ATP9B: variants seen among roughly 807,000 people sequenced by gnomAD.
ATP9B encodes ATPase phospholipid transporting 9B.
Under a neutral mutation model 146.1 loss-of-function variants are expected in ATP9B, and 110 were observed. The ratio of observed to expected loss-of-function variants is 0.75; its 90% CI spans 0.65 to 0.88. The LOEUF is 0.88. Ranked by LOEUF, ATP9B falls within the 40% of genes least tolerant of loss-of-function variation. ATP9B has a pLI of 0.00. For synonymous variants in ATP9B, 604 were observed against 569.7 expected, an observed-to-expected ratio of 1.06 and a Z score of -0.86; for missense variants, 1,499 against 1,496.4, an observed-to-expected ratio of 1.00 and a Z score of -0.03.
chr18:79,366,279 C>T (rs28372989), intron 26 of ATP9B, among the ~76,000 whole-genome samples: 39,279 of 152,032 alleles, frequency 0.26, 5,858 homozygotes, highest in African/African-American at 0.42. Flanking sequence ...TCTCTCAGAG[C>T]CCGCTGGACG....
chr18:79,256,282 T>TACACAC (rs1315400505), intron 12 of ATP9B, among the ~76,000 whole-genome samples: 13 of 129,276 alleles, frequency 1.0e-4, no homozygotes, highest in Admixed American at 8.4e-4. Context: ...TATATATATA[T>TACACAC]ATATACATAC....
intron 11 of ATP9B, among the ~76,000 whole-genome samples, chr18:79,238,465 C>T (rs1246791666): frequency 6.6e-6 from 1 of 152,158 alleles, no homozygotes; most frequent in Non-Finnish European, 1.5e-5. Flanking sequence ...CTGTTCCGGC[C>T]GGGCTGTAGC....
intron 1 of ATP9B, among the ~76,000 whole-genome samples, chr18:79,082,297 A>G (rs2073350313): frequency 6.6e-6 from 1 of 152,244 alleles, no homozygotes; most frequent in Non-Finnish European, 1.5e-5. Context: ...CTAGTTAACA[A>G]TTCCTCTAAC....
intron 13 of ATP9B, among the ~76,000 whole-genome samples, chr18:79,285,732 A>T (rs1253663289): frequency 6.6e-6 from 1 of 152,206 alleles, no homozygotes; most frequent in Non-Finnish European, 1.5e-5. Flanking sequence ...GTTCTCTTCT[A>T]GAGTTTTTAT....
chr18:79,105,798 A>C (rs537319092), intron 2 of ATP9B, among the ~76,000 whole-genome samples: 1 of 152,184 alleles, frequency 6.6e-6, no homozygotes, highest in African/African-American at 2.4e-5. Flanking sequence ...TCCTAGTTCT[A>C]ATGTCCTCAA....
intron 11 of ATP9B, among the ~76,000 whole-genome samples, chr18:79,243,106 A>G (rs763024631): frequency 2.6e-5 from 4 of 152,314 alleles, no homozygotes; most frequent in Non-Finnish European, 5.9e-5. Context: ...TATGTCTGCA[A>G]TTCTGCTATT....
chr18:79,236,812 G>A (rs1192267187), intron 11 of ATP9B, among the ~76,000 whole-genome samples: 4 of 141,338 alleles, frequency 2.8e-5, no homozygotes, highest in Admixed American at 7.1e-5. Flanking sequence ...TACACGGTCC[G>A]TGCACGAGTC....
chr18:79,191,950 T>A (rs1316171491), intron 8 of ATP9B, among the ~76,000 whole-genome samples: 1 of 152,146 alleles, frequency 6.6e-6, no homozygotes, highest in Non-Finnish European at 1.5e-5. Context: ...AGAGTACTGG[T>A]TTTTTGTTTG....
chr18:79,301,629 A>G (rs1233313398), intron 13 of ATP9B, among the ~76,000 whole-genome samples: 1 of 152,210 alleles, frequency 6.6e-6, no homozygotes, highest in African/African-American at 2.4e-5. Flanking sequence ...ATGACAAAAC[A>G]AAAAGGTTTA....
chr18:79,249,975 A>G (rs1427590744), intron 11 of ATP9B, among the ~76,000 whole-genome samples: 2 of 152,228 alleles, frequency 1.3e-5, no homozygotes, highest in Non-Finnish European at 1.5e-5. Context: ...TTGAAAAGTT[A>G]TATTTTATTC....
At chr18:79,211,904 A>ATT (rs2095587395) in intron 10 of ATP9B, among the ~76,000 whole-genome samples, 1 of 152,172 alleles carries the variant, frequency 6.6e-6, no homozygotes, top group African/African-American at 2.4e-5. Context: ...AAGTTTTGGA[A>ATT]TTCTTCTGTT....
intron 7 of ATP9B, among the ~76,000 whole-genome samples, chr18:79,175,815 G>T (rs1030621334): frequency 4.6e-5 from 7 of 151,788 alleles, no homozygotes; most frequent in Non-Finnish European, 1.0e-4. Flanking sequence ...ACACAAGTTA[G>T]CCATGCACGC....
At position 79,325,689 on chromosome 18, in the gene ATP9B, C is replaced by T. The variant is rs972502081; in HGVS notation, c.1774-3452C>T. Among the ~76,000 whole-genome samples, 3 of 152,188 alleles carry T rather than the reference C, an allele frequency of 2.0e-5. No homozygotes were observed. In the South Asian group the frequency reaches 6.2e-4, roughly 32 times the overall value. ...TCAGTGGCAGTGGCACCTGGGCAGC[C>T]CTGAAAAGGAGGGACAGGTGCCTGT... On this transcript the variant is annotated intron_variant, in intron 15 of 29. Coordinates refer to ENST00000426216, the MANE Select transcript of ATP9B (RefSeq NM_198531.5).
intron 26 of ATP9B, among the ~76,000 whole-genome samples, chr18:79,371,053 A>G (rs959600028): frequency 3.3e-5 from 5 of 152,208 alleles, no homozygotes; most frequent in Admixed American, 3.3e-4. Context: ...AAATGGTTTA[A>G]CTTCAAAGTT....
Position 79,336,812 on chromosome 18 carries a change from A to G in ATP9B, c.2112+101A>G, listed in dbSNP as rs1382290209. The G allele has an allele frequency of 5.5e-6, 7 of 1,262,196 alleles. No homozygotes were observed. The East Asian group carries it at 1.0e-4, about 18-fold the overall frequency. The allele number at this position is 1,262,196 out of a possible 1,614,324, so 78.2% of individuals were successfully genotyped here. ...GTATGAAATTAGAGCTGGGATCGCT[A>G]TAGTCTAGGAGTGAAGGCAGCTTCG... On this transcript the variant is annotated intron_variant, in intron 18 of 29. Coordinates refer to ENST00000426216, the MANE Select transcript of ATP9B (RefSeq NM_198531.5).
intron 1 of ATP9B, chr18:79,087,409 G>A (rs1255098928): frequency 1.3e-5 from 2 of 152,220 alleles, no homozygotes. Context: ...AGTTTATGCA[G>A]CTTGCTGCTT....
rs73971531 is a variant in ATP9B, at chr18:79,218,791, T to C, written c.1107+4753T>C. ...TGATTCTTAAGGCTTTGCGAGCGAG[T>C]GATATGGGTCACATTTCATTGGCCA... On this transcript the variant is annotated intron_variant, in intron 11 of 29. Transcript: ENST00000426216. 7.2e-3 allele frequency among the ~76,000 whole-genome samples: 1,101 copies of C among 152,086 alleles called. 14 individuals are homozygous for C. The highest frequency in any genetic ancestry group is 0.017 in the African/African-American group (720 of 41,448).
intron 8 of ATP9B, among the ~76,000 whole-genome samples, chr18:79,189,902 C>T (rs1002999570): frequency 1.3e-5 from 2 of 152,306 alleles, no homozygotes; most frequent in Admixed American, 6.5e-5. Context: ...TGGTATTACG[C>T]CAAACACGAT....
At chr18:79,112,713 A>T (rs11876220) in intron 3 of ATP9B, among the ~76,000 whole-genome samples, 6,456 of 152,048 alleles carry the variant, frequency 0.042, 460 homozygotes, top group African/African-American at 0.15. Flanking sequence ...TTGTTCATTC[A>T]GTCTTTGTAA....
Sources: allele counts gnomAD v4.1 joint callset (sites outside exome capture counted in the v4.1 genomes callset), GRCh38; gene constraint gnomAD v4.1.1; transcripts MANE v1.5; gene names NCBI Gene and HGNC (gene_info 2026-07-23, HGNC 2026-07-21).